The following CAPN13 variants were observed in gnomAD, a reference collection of about 807,000 sequenced individuals.
The protein encoded by CAPN13 is calpain 13, also known as calpain-13.
A neutral mutation model predicts 98.4 loss-of-function variants in CAPN13; 90 were observed. The ratio of observed to expected loss-of-function variants is 0.92; its 90% CI spans 0.77 to 1.09. CAPN13 has a LOEUF of 1.09. Among genes scored for constraint, CAPN13 ranks in the 50% least tolerant of loss-of-function variants. The pLI is 0.00. For synonymous variants in CAPN13, 330 were observed against 305.5 expected (o/e 1.08, Z -0.84); for missense variants, 887 against 841.3 (o/e 1.05, Z -0.67).
rs1401624055 is a variant in CAPN13 at position 30,742,226 on chromosome 2, T to C, written c.1479+100A>G. ...GCCTATCATGGTGTCTCTCTTTTCA[T>C]TGGTTGGGGGCAGCGGGAGGTGTAA... On this transcript the variant is annotated intron_variant, in intron 14 of 22. Coordinates refer to ENST00000295055, the MANE Select transcript of CAPN13 (RefSeq NM_144575.3). 1.3e-5 allele frequency: 18 copies of C among 1,369,578 alleles called. No homozygotes were observed. In the East Asian group the frequency reaches 4.2e-4, roughly 32 times the overall value. 84.8% of individuals were successfully genotyped at this position (1,369,578 alleles called of 1,614,324 possible). A position where few individuals can be genotyped will look rare whatever the true frequency, so the allele number is the denominator to read the frequency against.
chr2:30,755,565 C>T (rs1672402096), intron 8 of CAPN13, among the ~76,000 whole-genome samples: 1 of 152,088 alleles, frequency 6.6e-6, no homozygotes, highest in South Asian at 2.1e-4. Flanking sequence ...GAGACCCTCA[C>T]AAGCAGAAGG....
At position 30,769,031 on chromosome 2, in the gene CAPN13, GA is replaced by G. The variant is rs1673251741; in HGVS notation, c.524+1281del. Among the ~76,000 whole-genome samples the G allele has an allele frequency of 3.3e-5, 5 of 152,130 alleles. No individual in the cohort carries two copies. The South Asian group carries it at 1.0e-3, about 32-fold the overall frequency. ...ACACGCACGTCTCACACCCACTAAG[GA>G]CACTTCTAGGGGGCCTCAAGGACCC... is the stretch of plus-strand genomic sequence containing the variant. On this transcript the variant is annotated intron_variant, in intron 5 of 22. Coordinates refer to ENST00000295055, the MANE Select transcript of CAPN13 (RefSeq NM_144575.3).
intron 21 of CAPN13, 98 bp from the exon 22 acceptor site, chr2:30,730,884 C>A: frequency 1.3e-6 from 1 of 758,108 alleles, no homozygotes; most frequent in Non-Finnish European, 2.5e-6. Flanking sequence ...AGACCTCAGT[C>A]CAGTCTCATC....
chr2:30,779,157 A>G lies in CAPN13; in HGVS notation c.199-1518T>C, dbSNP rs191168007. ...AAAATGGCTTTGCTCCATTTTCTTG[A>G]CCTTGGCCACAGCTCTTCTTCACTG... On this transcript the variant is annotated intron_variant, in intron 2 of 22. Transcript: ENST00000295055. 5.3e-5 allele frequency among the ~76,000 whole-genome samples: 8 copies of G among 152,294 alleles called. 1 individual carries two copies. In the East Asian group the frequency reaches 1.2e-3, roughly 22 times the overall value.
intron 2 of CAPN13, 60 bp from the exon 3 acceptor site, chr2:30,777,699 C>T (rs1673774876): frequency 3.8e-6 from 5 of 1,320,298 alleles, no homozygotes; most frequent in Admixed American, 2.0e-5. Flanking sequence ...CCCAAAGCGA[C>T]ATCATTCACT....
chr2:30,734,276 T>C (rs1399449572), intron 19 of CAPN13, among the ~76,000 whole-genome samples, 173 bp downstream of exon 19: 2 of 152,102 alleles, frequency 1.3e-5, no homozygotes, highest in Non-Finnish European at 2.9e-5. Flanking sequence ...TGTGTTTGAG[T>C]CTGCAACCGT....
At chr2:30,783,074 A>C (rs1674075682) in intron 2 of CAPN13, among the ~76,000 whole-genome samples, 2 of 152,178 alleles carry the variant, frequency 1.3e-5, no homozygotes, top group South Asian at 4.1e-4. Flanking sequence ...GGATGATAGT[A>C]TTATCTACCT....
intron 22 of CAPN13, among the ~76,000 whole-genome samples, chr2:30,725,617 T>C (rs2681684): frequency 0.48 from 72,594 of 151,906 alleles, 17,946 homozygotes; most frequent in East Asian, 0.65. Flanking sequence ...AAGACTTTGC[T>C]CGCTCCAGGG....
intron 4 of CAPN13, among the ~76,000 whole-genome samples, chr2:30,774,583 G>A (rs931180483): frequency 6.6e-6 from 1 of 152,144 alleles, no homozygotes; most frequent in African/African-American, 2.4e-5. Flanking sequence ...GATTTTTCTA[G>A]TCGAGTATAA....
At chr2:30,774,459 A>G (rs1034536003) in intron 4 of CAPN13, among the ~76,000 whole-genome samples, 8 of 152,194 alleles carry the variant, frequency 5.3e-5, no homozygotes, top group Non-Finnish European at 1.2e-4. Context: ...GTAAAAATAC[A>G]GCACAGATTG....
At chr2:30,762,480 A>T (rs193252689) in intron 7 of CAPN13, among the ~76,000 whole-genome samples, 34 of 152,288 alleles carry the variant, frequency 2.2e-4, no homozygotes, top group Admixed American at 1.3e-3. Context: ...GAAATGATGC[A>T]TGCCTCTTCC....
At chr2:30,785,245 C>T (rs995634279) in intron 2 of CAPN13, among the ~76,000 whole-genome samples, 4 of 152,106 alleles carry the variant, frequency 2.6e-5, no homozygotes, top group African/African-American at 9.7e-5. Context: ...ATTCTGGATC[C>T]TTCCCTCTCT....
In CAPN13 at chr2:30,798,394, C is replaced by T. The variant is rs72867195; in HGVS notation, c.-33+8908G>A. Among the ~76,000 whole-genome samples, 719 of 152,252 alleles carry T rather than the reference C, an allele frequency of 4.7e-3. 10 individuals carry two copies. Among genetic ancestry groups the T allele is most frequent in the African/African-American group, 0.017 (693 of 41,532 alleles). On this transcript the variant is annotated intron_variant, in intron 1 of 22. Coordinates refer to ENST00000295055, the MANE Select transcript of CAPN13 (RefSeq NM_144575.3). ...TTTGGATTGGGCAGATCCCTTCCAA[C>T]TTCAACCTACTGAGCTCTCTCTCTG...
intron 1 of CAPN13, among the ~76,000 whole-genome samples, chr2:30,796,634 A>T (rs1252382909): frequency 1.3e-5 from 2 of 152,196 alleles, no homozygotes; most frequent in Non-Finnish European, 2.9e-5. Flanking sequence ...ATTCTAAATG[A>T]CTTCAAAACC....
intron 5 of CAPN13, among the ~76,000 whole-genome samples, chr2:30,768,236 C>A (rs1673206921): frequency 6.6e-6 from 1 of 152,206 alleles, no homozygotes; most frequent in African/African-American, 2.4e-5. Context: ...CAGGCTTGAC[C>A]AATAAGACTC....
At chr2:30,730,565 C>T (rs1220580273) in intron 22 of CAPN13, among the ~76,000 whole-genome samples, 165 bp downstream of exon 22, 1 of 152,166 alleles carries the variant, frequency 6.6e-6, no homozygotes, top group Non-Finnish European at 1.5e-5. Flanking sequence ...CAGCATTGGC[C>T]TTGAAACTCA....
At chr2:30,799,881 A>T (rs191630487) in intron 1 of CAPN13, among the ~76,000 whole-genome samples, 1 of 151,898 alleles carries the variant, frequency 6.6e-6, no homozygotes, top group Admixed American at 6.6e-5. Flanking sequence ...AGACCATCCT[A>T]GCTAACACGG....
chr2:30,734,358 G>A, intron 19 of CAPN13, 91 bp downstream of exon 19: 1 of 959,044 alleles, frequency 1.0e-6, no homozygotes, highest in Non-Finnish European at 1.7e-6. Context: ...CTGATTGCCT[G>A]GCACTGTTGT....
rs1464908401 is a variant in CAPN13, at chr2:30,758,808, CT to C, written c.775-672del. Among the ~76,000 whole-genome samples the C allele has an allele frequency of 3.0e-3, 235 of 79,466 alleles. 1 individual carries two copies. Among genetic ancestry groups the C allele is most frequent in the East Asian group, 0.023 (40 of 1,744 alleles). 52.1% of individuals were successfully genotyped at this position (79,466 alleles called of 152,430 possible). A position where few individuals can be genotyped will look rare whatever the true frequency, so the allele number is the denominator to read the frequency against. Reference sequence around the variant, plus strand: ...TCCCTTTCCTTTCCTTCCTCCCTCCCTTCCCTTCCTCCCTTCCTTCCTCCCT... The same window carrying C: ...TCCCTTTCCTTTCCTTCCTCCCTCCCTCCCTTCCTCCCTTCCTTCCTCCCT... On this transcript the variant is annotated intron_variant, in intron 7 of 22. Coordinates refer to ENST00000295055, the MANE Select transcript of CAPN13 (RefSeq NM_144575.3).
Sources: allele counts gnomAD v4.1 joint callset (sites outside exome capture counted in the v4.1 genomes callset), GRCh38; gene constraint gnomAD v4.1.1; transcripts MANE v1.5; gene names NCBI Gene and HGNC (gene_info 2026-07-23, HGNC 2026-07-21).